Variants in ELAVL1 observed in about 807,000 individuals in gnomAD.
The protein encoded by ELAVL1 is ELAV like RNA binding protein 1, also known as ELAV-like protein 1.
In ELAVL1, 1 loss-of-function variant was observed where a neutral mutation model predicts 28.4. The ratio of observed to expected loss-of-function variants is 0.04; its 90% CI spans 0.01 to 0.17. The LOEUF is 0.17. Ranked by LOEUF, ELAVL1 falls within the 10% of genes least tolerant of loss-of-function variation. ELAVL1 has a pLI of 1.00. For synonymous variants in ELAVL1, 174 were observed against 183.5 expected (o/e 0.95, Z 0.42); for missense variants, 157 against 447.2 (o/e 0.35, Z 5.85).
At position 7,962,236 on chromosome 19, in the gene ELAVL1, AAAAG is replaced by A. The variant is rs2145196857; in HGVS notation, c.*1243_*1246del. ...GGGCCACCTGCACCTTCCCTAGCCA[AAAAG>A]AAAGAAAAGGTAAAATAAAAAACAA... On this transcript the variant is annotated 3_prime_UTR_variant, in exon 6 of 6. Transcript: ENST00000407627. The A allele has an allele frequency of 6.5e-6, 1 of 153,886 alleles. No individual in the cohort carries two copies. Among genetic ancestry groups the A allele is most frequent in the Non-Finnish European group, 1.5e-5 (1 of 68,044 alleles). 9.5% of individuals were successfully genotyped at this position (153,886 alleles called of 1,614,324 possible). A position where few individuals can be genotyped will look rare whatever the true frequency, so the allele number is the denominator to read the frequency against.
intron 5 of ELAVL1, among the ~76,000 whole-genome samples, chr19:7,965,888 C>T (rs1036734193): frequency 2.8e-4 from 43 of 152,326 alleles, no homozygotes; most frequent in African/African-American, 9.6e-4. Flanking sequence ...TCCAGAGAAG[C>T]TTCCCCAGCC....
chr19:7,986,180 G>A (rs954268065), intron 2 of ELAVL1, among the ~76,000 whole-genome samples: 5 of 152,236 alleles, frequency 3.3e-5, no homozygotes, highest in South Asian at 4.1e-4. Context: ...GACCTGACAC[G>A]GGGTGCAGGG....
intron 3 of ELAVL1, among the ~76,000 whole-genome samples, chr19:7,977,087 G>A (rs1444431888): frequency 3.9e-5 from 6 of 152,314 alleles, no homozygotes; most frequent in African/African-American, 1.2e-4. Context: ...GCAGCCTCAG[G>A]TGAACGGCAG....
At chr19:7,974,899 G>A (rs1308562120) in intron 3 of ELAVL1, among the ~76,000 whole-genome samples, 16 of 152,208 alleles carry the variant, frequency 1.1e-4, no homozygotes, top group Admixed American at 1.0e-3. Context: ...TTCCAGAGAA[G>A]GAACAACAGA....
At chr19:7,971,333 T>G (rs1313831407) in intron 4 of ELAVL1, among the ~76,000 whole-genome samples, 1 of 152,148 alleles carries the variant, frequency 6.6e-6, no homozygotes, top group Non-Finnish European at 1.5e-5. Context: ...GCTTCCCTCA[T>G]CAGGGCCATA....
rs1218832085 is a variant in ELAVL1 at position 7,959,070 on chromosome 19, T to A, written c.*4413A>T. On this transcript the variant is annotated 3_prime_UTR_variant, in exon 6 of 6. Transcript: ENST00000407627. ...ATTCACAAGGATTAAAAAAAAAAAATAAAAAGGCAATGGGCTGATGGAAAA... is the reference window on the plus strand; with the variant it reads ...ATTCACAAGGATTAAAAAAAAAAAAAAAAAAGGCAATGGGCTGATGGAAAA... 6.0e-5 allele frequency: 9 copies of A among 149,134 alleles called. No homozygotes were observed. The highest frequency in any genetic ancestry group is 1.4e-4 in the Admixed American group (2 of 14,742). 9.2% of individuals were successfully genotyped at this position (149,134 alleles called of 1,614,324 possible). A position where few individuals can be genotyped will look rare whatever the true frequency, so the allele number is the denominator to read the frequency against.
rs544708940 is a variant in ELAVL1, at chr19:7,999,924, C to G, written c.-17+5571G>C. On this transcript the variant is annotated intron_variant, in intron 1 of 5. Transcript: ENST00000407627. ...CCCGAGTAGCTGAGATTACAGGCAC[C>G]TGCCACCACGCCCGGCTAATTTTTG... 1.1e-4 allele frequency among the ~76,000 whole-genome samples: 16 copies of G among 152,310 alleles called. No individual in the cohort carries two copies. The East Asian group carries it at 2.9e-3, about 28-fold the overall frequency.
chr19:7,964,814 T>C (rs1330418931), intron 5 of ELAVL1, among the ~76,000 whole-genome samples: 3 of 152,232 alleles, frequency 2.0e-5, no homozygotes, highest in African/African-American at 7.2e-5. Flanking sequence ...TGGAACTTTC[T>C]CACATTAAAA....
chr19:7,974,896 G>A (rs1201614827), intron 3 of ELAVL1, among the ~76,000 whole-genome samples: 1 of 152,220 alleles, frequency 6.6e-6, no homozygotes, highest in Non-Finnish European at 1.5e-5. Context: ...ATGTTCCAGA[G>A]AAGGAACAAC....
intron 1 of ELAVL1, among the ~76,000 whole-genome samples, chr19:7,994,754 C>T (rs1310024629): frequency 6.6e-6 from 1 of 152,172 alleles, no homozygotes; most frequent in African/African-American, 2.4e-5. Flanking sequence ...GAGTTCAAGA[C>T]CAGTCTGGAC....
chr19:7,971,838 A>G (rs1985120775), intron 4 of ELAVL1, among the ~76,000 whole-genome samples: 1 of 152,184 alleles, frequency 6.6e-6, no homozygotes, highest in Non-Finnish European at 1.5e-5. Context: ...TACAGCCGGA[A>G]AGGAGGAGGA....
At chr19:7,996,449 A>G (rs949386768) in intron 1 of ELAVL1, among the ~76,000 whole-genome samples, 5 of 148,410 alleles carry the variant, frequency 3.4e-5, no homozygotes, top group African/African-American at 1.2e-4. Context: ...TCGGCCTCCC[A>G]AAGTGCTGGG....
intron 1 of ELAVL1, among the ~76,000 whole-genome samples, chr19:8,001,226 C>T (rs559662992): frequency 3.3e-5 from 5 of 152,144 alleles, no homozygotes; most frequent in Non-Finnish European, 7.3e-5. Flanking sequence ...ACACCTTCAT[C>T]TCCTCTCCTC....
chr19:7,968,960 A>C (rs1391977133), intron 4 of ELAVL1, among the ~76,000 whole-genome samples: 1 of 152,126 alleles, frequency 6.6e-6, no homozygotes, highest in African/African-American at 2.4e-5. Flanking sequence ...CAGGGGTGGG[A>C]GAGGTGACAG....
rs1984775177 is a variant in ELAVL1, at chr19:7,960,445, C to T, written c.*3038G>A. ...TGGTGGCCGGGGAGGGGACTCAGCA[C>T]CCGGGAGGGAATCAGTCACAGAGCT... is the stretch of plus-strand genomic sequence containing the variant. On this transcript the variant is annotated 3_prime_UTR_variant, in exon 6 of 6. Coordinates refer to ENST00000407627, the MANE Select transcript of ELAVL1 (RefSeq NM_001419.3). The T allele has an allele frequency of 6.6e-6, 1 of 152,212 alleles. No individual in the cohort carries two copies. The highest frequency in any genetic ancestry group is 6.5e-5 in the Admixed American group (1 of 15,282). The allele number at this position is 152,212 out of a possible 1,614,324, so 9.4% of individuals were successfully genotyped here. A position where few individuals can be genotyped will look rare whatever the true frequency, so the allele number is the denominator to read the frequency against.
At chr19:7,998,399 C>T (rs1273558875) in intron 1 of ELAVL1, among the ~76,000 whole-genome samples, 2 of 152,200 alleles carry the variant, frequency 1.3e-5, no homozygotes, top group African/African-American at 2.4e-5. Flanking sequence ...GGCGGTCACA[C>T]GATGATGCTC....
chr19:7,998,650 A>T (rs1485744490), intron 1 of ELAVL1, among the ~76,000 whole-genome samples: 5 of 151,980 alleles, frequency 3.3e-5, no homozygotes, highest in Non-Finnish European at 7.4e-5. Context: ...TTTTAAAATT[A>T]GTATTTTTTT....
chr19:7,996,480 C>T (rs1053952955), intron 1 of ELAVL1, among the ~76,000 whole-genome samples: 10 of 151,724 alleles, frequency 6.6e-5, no homozygotes, highest in East Asian at 2.0e-4. Flanking sequence ...TGAGCCACCA[C>T]GCCTGGCCCA....
intron 1 of ELAVL1, chr19:8,002,126 C>G: frequency 7.8e-7 from 1 of 1,289,432 alleles, no homozygotes; most frequent in Non-Finnish European, 1.0e-6. Context: ...TCTCAGCCTT[C>G]TTGTCCCTAA....
Sources: gnomAD v4.1 joint callset for allele counts (sites outside exome capture counted in the v4.1 genomes callset) on GRCh38, gnomAD v4.1.1 for gene constraint, MANE v1.5 for transcripts, NCBI Gene and HGNC (gene_info 2026-07-23, HGNC 2026-07-21) for gene names.